The following RARB variants were observed in gnomAD, a reference collection of about 807,000 sequenced individuals.
The protein encoded by RARB is HBV-activated protein.
RARB carries 17 observed loss-of-function variants against 51.9 expected under a neutral mutation model. The ratio of observed to expected loss-of-function variants is 0.33; its 90% confidence interval spans 0.22 to 0.49. RARB has a LOEUF of 0.49. RARB is among the 20% of genes least tolerant of loss of function. The probability of loss-of-function intolerance (pLI) is 0.99; values close to 1 mark genes in which losing one functional copy is unlikely to be tolerated. For missense variants in RARB, 369 were observed against 550.8 expected, an observed-to-expected ratio of 0.67 and a Z score of 3.30; for synonymous variants, 215 against 195.4, an observed-to-expected ratio of 1.10 and a Z score of -0.84.
intron 2 of RARB, among the ~76,000 whole-genome samples, chr3:24,938,886 T>C (rs1695599319): frequency 6.6e-6 from 1 of 152,240 alleles, no homozygotes; most frequent in Admixed American, 6.5e-5. Flanking sequence ...TGTTGTAGCA[T>C]GTATCAAAGT....
At chr3:25,153,242 C>T (rs1575184636) in intron 4 of RARB, among the ~76,000 whole-genome samples, 2 of 152,170 alleles carry the variant, frequency 1.3e-5, no homozygotes, top group Non-Finnish European at 2.9e-5. Flanking sequence ...ATAGCAATTA[C>T]ACACAGAGAG....
chr3:25,335,529 A>G (rs753433081), intron 5 of RARB, among the ~76,000 whole-genome samples: 32 of 152,062 alleles, frequency 2.1e-4, no homozygotes, highest in Non-Finnish European at 4.1e-4. Context: ...TTGGCACCTC[A>G]TTACCTTCTC....
rs573373408 is a variant in RARB, at chr3:24,984,134, C to T, written c.-379-75991C>T. 2.0e-5 allele frequency among the ~76,000 whole-genome samples: 3 copies of T among 152,214 alleles called. No individual in the cohort carries two copies. In the East Asian group the frequency reaches 5.8e-4, roughly 29 times the overall value. On this transcript the variant is annotated intron_variant, in intron 2 of 11. Coordinates refer to the RARB transcript ENST00000383772. ...CATTACAATGATCAAGTAATTCTTT[C>T]CTGAAAATGTAAGCTAAGCCAAGCA...
At chr3:25,320,695 T>C (rs1704546178) in intron 5 of RARB, among the ~76,000 whole-genome samples, 1 of 152,248 alleles carries the variant, frequency 6.6e-6, no homozygotes, top group South Asian at 2.1e-4. Context: ...GGTAGAATTA[T>C]TCATGTTAAC....
At chr3:25,538,252 A>T (rs1166568765) in intron 3 of RARB, among the ~76,000 whole-genome samples, 1 of 152,194 alleles carries the variant, frequency 6.6e-6, no homozygotes, top group Non-Finnish European at 1.5e-5. Context: ...GTTTACACCC[A>T]TTTCATAATT....
chr3:24,948,697 G>T (rs567666945), intron 2 of RARB, among the ~76,000 whole-genome samples: 2 of 152,238 alleles, frequency 1.3e-5, no homozygotes, highest in Admixed American at 6.5e-5. Flanking sequence ...ATTGGATCGT[G>T]GGGGCAGATC....
intron 5 of RARB, among the ~76,000 whole-genome samples, chr3:25,415,467 T>C (rs1052572397): frequency 1.1e-4 from 17 of 152,228 alleles, no homozygotes; most frequent in African/African-American, 4.1e-4. Context: ...GAAAATACTA[T>C]ATTTTTCCTG....
At chr3:25,544,551 T>A (rs901056552) in intron 3 of RARB, among the ~76,000 whole-genome samples, 3 of 152,218 alleles carry the variant, frequency 2.0e-5, no homozygotes, top group African/African-American at 7.2e-5. Flanking sequence ...CAGACACTGA[T>A]GTTTAGCTGA....
chr3:24,916,767 C>CAAAAA lies in RARB; in HGVS notation c.-380+58030_-380+58034dup, dbSNP rs386396164. Among the ~76,000 whole-genome samples the CAAAAA allele has an allele frequency of 9.2e-4, 104 of 112,728 alleles. 1 individual carries two copies. The highest frequency in any genetic ancestry group is 3.3e-3 in the African/African-American group (101 of 31,004). The allele number at this position is 112,728 out of a possible 152,430, so 74.0% of individuals were successfully genotyped here. On this transcript the variant is annotated intron_variant, in intron 2 of 11. Coordinates refer to the RARB transcript ENST00000383772. ...GTCTCATTTCTATGTGTTTGCTGTTCAAAAAAAAAAAAAAAAAAACCTTGT... is the reference window on the plus strand; with the variant it reads ...GTCTCATTTCTATGTGTTTGCTGTTCAAAAAAAAAAAAAAAAAAAAAAAACCTTGT...
intron 2 of RARB, among the ~76,000 whole-genome samples, chr3:25,002,861 G>A (rs1697195306): frequency 6.6e-6 from 1 of 151,922 alleles, no homozygotes; most frequent in South Asian, 2.1e-4. Flanking sequence ...AGAGTTGTTA[G>A]GGAGATCAAT....
chr3:25,063,311 G>A (rs1338001052), intron 3 of RARB, among the ~76,000 whole-genome samples: 1 of 151,978 alleles, frequency 6.6e-6, no homozygotes, highest in African/African-American at 2.4e-5. Flanking sequence ...AAGGTGATTT[G>A]AAGGTGTTAT....
chr3:24,910,255 C>T (rs1326401408), intron 2 of RARB, among the ~76,000 whole-genome samples: 3 of 152,072 alleles, frequency 2.0e-5, no homozygotes, highest in East Asian at 3.9e-4. Context: ...GGCAAAAAAA[C>T]GTTGAATTGC....
chr3:24,858,643 G>GACTGCTA (rs2125340175), intron 1 of RARB: 1 of 152,254 alleles, frequency 6.6e-6, no homozygotes, highest in South Asian at 2.1e-4. Flanking sequence ...TGATGTTTAA[G>GACTGCTA]ACTGCTAAAT....
chr3:25,393,975 A>G (rs886078429), intron 5 of RARB, among the ~76,000 whole-genome samples: 5 of 151,296 alleles, frequency 3.3e-5, no homozygotes, highest in Admixed American at 2.0e-4. Context: ...TTTGTTCTTG[A>G]TTCTCTAGTT....
chr3:25,355,290 C>G (rs756689724), intron 5 of RARB, among the ~76,000 whole-genome samples: 1 of 151,906 alleles, frequency 6.6e-6, no homozygotes, highest in African/African-American at 2.4e-5. Flanking sequence ...TAGGTTTGGG[C>G]GTGTTTTTTG....
intron 2 of RARB, among the ~76,000 whole-genome samples, chr3:24,984,550 G>T (rs781682829): frequency 2.0e-5 from 3 of 152,034 alleles, no homozygotes; most frequent in African/African-American, 4.8e-5. Flanking sequence ...CTAAAAAACC[G>T]AATACACAGA....
At chr3:25,278,059 A>G (rs1703435222) in intron 5 of RARB, among the ~76,000 whole-genome samples, 1 of 152,206 alleles carries the variant, frequency 6.6e-6, no homozygotes, top group South Asian at 2.1e-4. Context: ...GCTAGACGAT[A>G]TAGTGCTCAG....
intron 5 of RARB, among the ~76,000 whole-genome samples, chr3:25,383,773 T>C (rs1201522652): frequency 6.6e-6 from 1 of 151,872 alleles, no homozygotes; most frequent in Non-Finnish European, 1.5e-5. Flanking sequence ...ATTTAAAAAA[T>C]ACAAAACTTA....
chr3:25,535,428 T>A (rs2125648336), intron 3 of RARB, among the ~76,000 whole-genome samples: 1 of 150,580 alleles, frequency 6.6e-6, no homozygotes, highest in African/African-American at 2.5e-5. Context: ...TTTTTTTTTA[T>A]GCTTTAGGTT....
Sources: allele counts gnomAD v4.1 joint callset (sites outside exome capture counted in the v4.1 genomes callset), GRCh38; gene constraint gnomAD v4.1.1; transcripts MANE v1.5; gene names NCBI Gene and HGNC (gene_info 2026-07-23, HGNC 2026-07-21).